The following MTHFD1L variants were observed in gnomAD, a reference collection of about 807,000 sequenced individuals.
MTHFD1L encodes methylenetetrahydrofolate dehydrogenase (NADP+ dependent) 1 like.
A neutral mutation model predicts 119.5 loss-of-function variants in MTHFD1L; 81 were observed. That is an observed-to-expected ratio of 0.68 (90% CI 0.57 to 0.82). The LOEUF (loss-of-function observed/expected upper bound fraction) is 0.82, where lower values mean the gene tolerates loss of function less well. Ranked by LOEUF, MTHFD1L falls within the 40% of genes least tolerant of loss-of-function variation. The probability of loss-of-function intolerance (pLI) is 0.00; values close to 1 mark genes in which losing one functional copy is unlikely to be tolerated. For synonymous variants in MTHFD1L, 430 were observed against 475.2 expected (o/e 0.90, Z 1.24); for missense variants, 1,125 against 1,253.4 (o/e 0.90, Z 1.55).
chr6:150,921,346 C>T (rs895029176), intron 9 of MTHFD1L, among the ~76,000 whole-genome samples: 8 of 152,112 alleles, frequency 5.3e-5, no homozygotes, highest in East Asian at 1.9e-4. Flanking sequence ...CTCGAACTCC[C>T]GACCTCAGTT....
intron 8 of MTHFD1L, among the ~76,000 whole-genome samples, chr6:150,906,461 A>G (rs917677273): frequency 6.6e-6 from 1 of 152,220 alleles, no homozygotes; most frequent in Non-Finnish European, 1.5e-5. Flanking sequence ...AGTTCGTAGA[A>G]GGACTGAGGC....
rs533642236 is a variant in MTHFD1L at position 151,068,498 on chromosome 6, G to A, written c.2848-23969G>A. 3.3e-5 allele frequency among the ~76,000 whole-genome samples: 5 copies of A among 152,248 alleles called. No homozygotes were observed. In the East Asian group the frequency reaches 5.8e-4, roughly 18 times the overall value. ...CTGCGGGTCAGATTCTGCTTGAACCGAGGGTTCAATTACAACATCCGTATG... is the reference window on the plus strand; with the variant it reads ...CTGCGGGTCAGATTCTGCTTGAACCAAGGGTTCAATTACAACATCCGTATG... On this transcript the variant is annotated intron_variant, in intron 26 of 27. Transcript: ENST00000367321.
chr6:151,093,459 C>T (rs1428811383), intron 27 of MTHFD1L, among the ~76,000 whole-genome samples: 1 of 131,832 alleles, frequency 7.6e-6, no homozygotes, highest in Non-Finnish European at 1.6e-5. Flanking sequence ...GAGTTCAAGA[C>T]CAGCCTGGCC....
Position 151,008,960 on chromosome 6 carries a change from TA to T in MTHFD1L, c.2126-847del, listed in dbSNP as rs568212264. On this transcript the variant is annotated intron_variant, in intron 20 of 27. Transcript: ENST00000367321. ...GGCAAAAACCCGTCTCTACTAACAA[TA>T]AAAAAAAAAAATTAGCCGGGTGTGG... Among the ~76,000 whole-genome samples, 137 of 112,568 alleles carry T rather than the reference TA, an allele frequency of 1.2e-3. 2 individuals are homozygous for T. Among genetic ancestry groups the T allele is most frequent in the South Asian group, 5.5e-3 (24 of 4,348 alleles). 73.8% of individuals were successfully genotyped at this position (112,568 alleles called of 152,430 possible). A position where few individuals can be genotyped will look rare whatever the true frequency, so the allele number is the denominator to read the frequency against.
intron 11 of MTHFD1L, among the ~76,000 whole-genome samples, chr6:150,935,740 C>G (rs1791942543): frequency 6.6e-6 from 1 of 152,160 alleles, no homozygotes; most frequent in African/African-American, 2.4e-5. Flanking sequence ...TGAGTAAATG[C>G]AGTGCTTCTT....
intron 8 of MTHFD1L, among the ~76,000 whole-genome samples, chr6:150,914,016 G>C (rs1188103460): frequency 5.9e-5 from 9 of 152,198 alleles, no homozygotes; most frequent in Non-Finnish European, 1.2e-4. Flanking sequence ...TGTAGTCCCA[G>C]CTACATGGGA....
At chr6:151,084,736 C>T (rs1023602883) in intron 26 of MTHFD1L, among the ~76,000 whole-genome samples, 12 of 151,904 alleles carry the variant, frequency 7.9e-5, no homozygotes, top group East Asian at 1.9e-4. Context: ...GAGGCCGAGG[C>T]GGGCAGATCA....
intron 26 of MTHFD1L, among the ~76,000 whole-genome samples, chr6:151,041,242 G>A (rs1325194343): frequency 1.3e-5 from 2 of 152,206 alleles, no homozygotes; most frequent in South Asian, 2.1e-4. Flanking sequence ...TGGGACACAC[G>A]CACCAGAGGG....
In MTHFD1L at chr6:151,015,705, TA is replaced by T; in HGVS notation, c.2586+17del. 6.2e-7 allele frequency: 1 copy of T among 1,611,602 alleles called. No individual in the cohort carries two copies. Among genetic ancestry groups the T allele is most frequent in the East Asian group, 2.2e-5 (1 of 44,852 alleles). On this transcript the variant is annotated intron_variant, in intron 24 of 27. Transcript: ENST00000367321. ...TGTATGATGTTCAGGTAAGATCTAG[TA>T]AAAACAATGGCTCACATTTCTTACA... is the stretch of plus-strand genomic sequence containing the variant.
At chr6:151,091,944 GT>G (rs2128653520) in intron 26 of MTHFD1L, among the ~76,000 whole-genome samples, 1 of 152,268 alleles carries the variant, frequency 6.6e-6, no homozygotes, top group East Asian at 1.9e-4. Flanking sequence ...ACGTAGCACA[GT>G]GCCCATCACA....
At chr6:151,024,243 G>A (rs1784338563) in intron 24 of MTHFD1L, among the ~76,000 whole-genome samples, 1 of 152,146 alleles carries the variant, frequency 6.6e-6, no homozygotes, top group South Asian at 2.1e-4. Flanking sequence ...GATGCATCAT[G>A]AGAACACTGT....
intron 26 of MTHFD1L, among the ~76,000 whole-genome samples, chr6:151,044,324 CAG>C (rs1787615798): frequency 2.0e-5 from 3 of 146,804 alleles, no homozygotes; most frequent in African/African-American, 7.5e-5. Context: ...TTTTTTGAGA[CAG>C]AGTCTCACTC....
chr6:150,947,177 A>C (rs1583720625), intron 15 of MTHFD1L, among the ~76,000 whole-genome samples: 1 of 150,574 alleles, frequency 6.6e-6, no homozygotes, highest in Admixed American at 6.6e-5. Flanking sequence ...GGCTCGCTGC[A>C]ACCTCCGCCT....
intron 14 of MTHFD1L, among the ~76,000 whole-genome samples, chr6:150,945,100 A>G (rs1176790248): frequency 6.6e-6 from 1 of 152,240 alleles, no homozygotes; most frequent in Non-Finnish European, 1.5e-5. Context: ...TATAGGACAT[A>G]GATAAAAGGG....
chr6:151,099,430 T>G, intron 27 of MTHFD1L: 1 of 826,734 alleles, frequency 1.2e-6, no homozygotes, highest in Non-Finnish European at 2.0e-6. Flanking sequence ...ACAGTGAGGC[T>G]GGCCGTGTCT....
At chr6:151,047,622 C>G (rs1280188224) in intron 26 of MTHFD1L, among the ~76,000 whole-genome samples, 3 of 152,204 alleles carry the variant, frequency 2.0e-5, no homozygotes, top group African/African-American at 7.2e-5. Flanking sequence ...ACAAAAAGAG[C>G]CAATTCCATC....
intron 24 of MTHFD1L, among the ~76,000 whole-genome samples, chr6:151,034,031 A>G (rs1225244706): frequency 6.6e-6 from 1 of 152,040 alleles, no homozygotes; most frequent in East Asian, 1.9e-4. Context: ...CAGAAAAAAA[A>G]TTAGCTTGGA....
intron 4 of MTHFD1L, 131 bp from the exon 5 acceptor site, chr6:150,882,631 A>C (rs1387936999): frequency 1.5e-6 from 1 of 654,048 alleles, no homozygotes; most frequent in African/African-American, 1.9e-5. Context: ...CCAAGTTTCC[A>C]ACAAGGAGCA....
At chr6:150,935,347 C>T (rs543721573) in intron 11 of MTHFD1L, 57 of 1,613,450 alleles carry the variant, frequency 3.5e-5, no homozygotes, top group Non-Finnish European at 4.7e-5. Flanking sequence ...ATCAAGGAGT[C>T]CCTGTACTTA....
Sources: gnomAD v4.1 joint callset for allele counts (sites outside exome capture counted in the v4.1 genomes callset) on GRCh38, gnomAD v4.1.1 for gene constraint, MANE v1.5 for transcripts, NCBI Gene and HGNC (gene_info 2026-07-23, HGNC 2026-07-21) for gene names.